COL28A1: variants seen among roughly 807,000 people sequenced by gnomAD.
COL28A1 encodes collagen alpha-1(XXVIII) chain.
Under a neutral mutation model 150.2 loss-of-function variants are expected in COL28A1, and 161 were observed. The ratio of observed to expected loss-of-function variants is 1.07; its 90% CI spans 0.94 to 1.22. COL28A1 has a LOEUF of 1.22. Ranked by LOEUF, COL28A1 falls within the 50% of genes most tolerant of loss-of-function variation. The pLI is 0.00. For synonymous variants in COL28A1, 552 were observed against 469.7 expected, an observed-to-expected ratio of 1.18 and a Z score of -2.26; for missense variants, 1,617 against 1,388.3, an observed-to-expected ratio of 1.16 and a Z score of -2.62.
At chr7:7,536,272 A>G (rs892318794), upstream of COL28A1, among the ~76,000 whole-genome samples, 8 of 152,122 alleles carry the variant, frequency 5.3e-5, no homozygotes, top group African/African-American at 1.9e-4. Flanking sequence ...ATGAGTACAT[A>G]GGTGTGCATT....
intron 27 of COL28A1, among the ~76,000 whole-genome samples, chr7:7,412,680 A>G (rs1243694333): frequency 6.6e-6 from 1 of 152,108 alleles, no homozygotes; most frequent in East Asian, 1.9e-4. Flanking sequence ...TTACTCAGAT[A>G]TGGAAACTGA....
intron 27 of COL28A1, among the ~76,000 whole-genome samples, chr7:7,387,842 T>G (rs1405011892): frequency 6.6e-6 from 1 of 152,210 alleles, no homozygotes; most frequent in East Asian, 1.9e-4. Flanking sequence ...ACAGGTACTT[T>G]GCCTACTCAA....
At chr7:7,526,921 C>T (rs1002493777) in intron 3 of COL28A1, among the ~76,000 whole-genome samples, 1 of 152,130 alleles carries the variant, frequency 6.6e-6, no homozygotes, top group Non-Finnish European at 1.5e-5. Flanking sequence ...AGGTGTGAGC[C>T]ACCGCACCTA....
intron 6 of COL28A1, among the ~76,000 whole-genome samples, chr7:7,519,386 T>G (rs2115187285): frequency 6.6e-6 from 1 of 152,364 alleles, no homozygotes; most frequent in Non-Finnish European, 1.5e-5. Context: ...AGATGAGATT[T>G]GAGTGGGGAC....
intron 33 of COL28A1, among the ~76,000 whole-genome samples, chr7:7,362,200 A>G (rs1780703595): frequency 6.6e-6 from 1 of 152,208 alleles, no homozygotes; most frequent in Non-Finnish European, 1.5e-5. Flanking sequence ...CATGTCAGTC[A>G]TTCTTGACAA....
intron 15 of COL28A1, among the ~76,000 whole-genome samples, chr7:7,474,368 A>C: frequency 6.6e-6 from 1 of 152,074 alleles, no homozygotes; most frequent in East Asian, 1.9e-4. Flanking sequence ...TGGGTGCACC[A>C]AAATCTCACA....
chr7:7,419,361 T>C (rs1352183776), intron 26 of COL28A1, among the ~76,000 whole-genome samples: 1 of 152,072 alleles, frequency 6.6e-6, no homozygotes, highest in Non-Finnish European at 1.5e-5. Context: ...GTCTCCCTCT[T>C]TGAGAAACAC....
intron 13 of COL28A1, among the ~76,000 whole-genome samples, chr7:7,484,428 G>GA (rs758395779): frequency 4.6e-5 from 7 of 151,992 alleles, no homozygotes; most frequent in South Asian, 2.1e-4. Context: ...AGTATTTATT[G>GA]AAAAAAACAA....
intron 3 of COL28A1, among the ~76,000 whole-genome samples, chr7:7,526,861 C>T (rs1357265096): frequency 6.6e-6 from 1 of 152,136 alleles, no homozygotes; most frequent in East Asian, 1.9e-4. Flanking sequence ...TCTCAAACTC[C>T]TGACCTCAAG....
At chr7:7,450,844 C>T (rs73346306) in intron 18 of COL28A1, among the ~76,000 whole-genome samples, 2,377 of 151,952 alleles carry the variant, frequency 0.016, 69 homozygotes, top group African/African-American at 0.054. Context: ...TACTATAACG[C>T]GATTAATATC....
At chr7:7,492,608 A>C (rs1308765631) in intron 11 of COL28A1, among the ~76,000 whole-genome samples, 1 of 127,574 alleles carries the variant, frequency 7.8e-6, no homozygotes, top group African/African-American at 2.9e-5. Context: ...AAAAAAAAAA[A>C]AAAGGTCTGT....
intron 6 of COL28A1, among the ~76,000 whole-genome samples, chr7:7,518,107 C>A (rs1382783236): frequency 1.3e-5 from 2 of 152,182 alleles, no homozygotes; most frequent in Admixed American, 6.5e-5. Flanking sequence ...TTGAACAACA[C>A]AGCGATTGTT....
intron 13 of COL28A1, among the ~76,000 whole-genome samples, chr7:7,478,366 G>A (rs1188228133): frequency 6.6e-6 from 1 of 152,188 alleles, no homozygotes; most frequent in Non-Finnish European, 1.5e-5. Flanking sequence ...GGTGCTGATT[G>A]GTGTGTTTAC....
At chr7:7,508,731 G>C (rs1780962406) in intron 9 of COL28A1, among the ~76,000 whole-genome samples, 1 of 152,132 alleles carries the variant, frequency 6.6e-6, no homozygotes, top group Non-Finnish European at 1.5e-5. Context: ...GCCCAGGCTG[G>C]AGTAGCTCAC....
chr7:7,432,645 T>G lies in COL28A1; in HGVS notation c.1916A>C (p.Tyr639Ser), dbSNP rs763702964. 2.5e-6 allele frequency: 4 copies of G among 1,613,986 alleles called. No homozygotes were observed. The South Asian group carries it at 3.3e-5, about 13-fold the overall frequency. Reference protein sequence around the residue: ...VGAPGLKGDGYPGVPGPRGLP... With the variant: ...VGAPGLKGDGSPGVPGPRGLP... ...TGTCCCACTTACAGGCACACCAGGA[T>G]AGCCATCACCTTTGAGTCCTGGAGC... Residue 639 changes from tyrosine (Y) to serine (S), a missense_variant, in exon 24 of 35, where the codon TAT (tyrosine) becomes TCT (serine). Physicochemically the swap from Tyr to Ser is moderately radical, Grantham distance 144 (BLOSUM62 -2). Coordinates refer to ENST00000399429, the MANE Select transcript of COL28A1 (RefSeq NM_001037763.3).
At chr7:7,357,835 C>CT (rs1355201109), downstream of COL28A1, 2 of 152,120 alleles carry the variant, frequency 1.3e-5, no homozygotes, top group African/African-American at 4.8e-5. Flanking sequence ...TGAATCCTGT[C>CT]TTTAATACAC....
chr7:7,375,445 C>T lies in COL28A1; in HGVS notation c.2359+16G>A. 6.4e-7 allele frequency: 1 copy of T among 1,571,370 alleles called. No homozygotes were observed. Among genetic ancestry groups the T allele is most frequent in the Non-Finnish European group, 8.7e-7 (1 of 1,152,068 alleles). ...TGATGCTTTAAAGTGATGTTTTTTC[C>T]TTGATCAAATCTTACCACATATTTC... On this transcript the variant is annotated intron_variant, in intron 31 of 34. Transcript: ENST00000399429.
At chr7:7,407,518 A>G (rs1783553848) in intron 27 of COL28A1, among the ~76,000 whole-genome samples, 1 of 152,162 alleles carries the variant, frequency 6.6e-6, no homozygotes, top group East Asian at 1.9e-4. Context: ...AATGGAGACT[A>G]AATGACAGAG....
intron 27 of COL28A1, among the ~76,000 whole-genome samples, chr7:7,398,952 C>T (rs1436608268): frequency 6.6e-6 from 1 of 152,144 alleles, no homozygotes. Context: ...GCCAGGGTCC[C>T]TTACTTTTAC....
Sources: allele counts gnomAD v4.1 joint callset (sites outside exome capture counted in the v4.1 genomes callset), GRCh38; gene constraint gnomAD v4.1.1; transcripts MANE v1.5; gene names NCBI Gene and HGNC (gene_info 2026-07-23, HGNC 2026-07-21).